Variants in ZAN observed in about 807,000 individuals in gnomAD.
ZAN encodes zonadhesin (gene/pseudogene).
In ZAN, 260 loss-of-function variants were observed where a neutral mutation model predicts 286.2. The ratio of observed to expected loss-of-function variants is 0.91; its 90% CI spans 0.82 to 1.01. The LOEUF (loss-of-function observed/expected upper bound fraction) is 1.01, where lower values mean the gene tolerates loss of function less well. Among genes scored for constraint, ZAN ranks in the 50% least tolerant of loss-of-function variants. The pLI, the probability that ZAN is intolerant of heterozygous loss-of-function variation, is 0.00. For missense variants in ZAN, 3,410 were observed against 3,639.2 expected (o/e 0.94, Z 1.62); for synonymous variants, 1,368 against 1,417.5 (o/e 0.97, Z 0.79).
intron 7 of ZAN, among the ~76,000 whole-genome samples, chr7:100,744,503 CAGG>C (rs1808041512): frequency 6.6e-6 from 1 of 151,050 alleles, no homozygotes; most frequent in African/African-American, 2.4e-5. Context: ...GAGGCTGAGG[CAGG>C]AGAATTGTTT....
At chr7:100,790,884 A>T in intron 39 of ZAN, 58 bp from the exon 40 acceptor site, 1 of 1,424,832 alleles carries the variant, frequency 7.0e-7, no homozygotes, top group South Asian at 1.5e-5. Context: ...CTGTCTAAAA[A>T]AAAAAAAAAA....
rs1407090763 is a variant in ZAN, at chr7:100,776,545, G to A, written c.6298G>A (p.Asp2100Asn). The A allele has an allele frequency of 6.4e-7, 1 of 1,559,104 alleles. No individual in the cohort carries two copies. The highest frequency in any genetic ancestry group is 1.2e-5 in the South Asian group (1 of 84,454). ...CAGTGAATTTGTGAACAGTTGGAAA[G>A]ATAAGGACATTGACCCAAGGTAGTG... Reference protein sequence around the residue: ...SDSEFVNSWKDKDIDPSCQSL... With the variant: ...SDSEFVNSWKNKDIDPSCQSL... Residue 2100 changes from aspartate to asparagine, a missense_variant, in exon 34 of 48, where the codon GAT (aspartate) becomes AAT (asparagine). By Grantham distance (23) the Asp-to-Asn change is conservative (BLOSUM62 1). Transcript: ENST00000613979.
intron 4 of ZAN, 24 bp downstream of exon 4, chr7:100,736,653 G>T: frequency 1.3e-6 from 2 of 1,519,242 alleles, no homozygotes; most frequent in South Asian, 1.1e-5. Flanking sequence ...GTTTCCAGGG[G>T]ACCATGAGCA....
Position 100,748,204 on chromosome 7 carries a change from C to G in ZAN, c.1091C>G (p.Ala364Gly), listed in dbSNP as rs199628515. 42 of 1,613,766 alleles carry G rather than the reference C, an allele frequency of 2.6e-5. No individual in the cohort carries two copies. Among genetic ancestry groups the G allele is most frequent in the Non-Finnish European group, 3.4e-5 (40 of 1,179,880 alleles). Residue 364 changes from alanine (A) to glycine (G), a missense_variant, in exon 10 of 48, where the codon GCT becomes GGT. Around this residue, in one of 7 missense-constraint regions of ZAN, gnomAD observed 872 missense variants for 938.9 expected, o/e 0.93. Coordinates refer to ENST00000613979, the MANE Select transcript of ZAN (RefSeq NM_003386.3). ...PAVAVDATSIAPCGEGFPQCD... is the reference protein window; with the variant it reads ...PAVAVDATSIGPCGEGFPQCD... ...GTGGCAGTTGATGCAACCAGCATTGCTCCTTGTGGGGGTGAGAGCAGGCCC... is the reference window on the plus strand; with the variant it reads ...GTGGCAGTTGATGCAACCAGCATTGGTCCTTGTGGGGGTGAGAGCAGGCCC...
At chr7:100,744,204 TTC>T (rs1437000358) in intron 7 of ZAN, among the ~76,000 whole-genome samples, 2 of 151,074 alleles carry the variant, frequency 1.3e-5, no homozygotes, top group East Asian at 3.9e-4. Flanking sequence ...GTATTTTCTT[TTC>T]TGTTTTTCCC....
At chr7:100,790,506 G>A (rs1371851822) in intron 39 of ZAN, among the ~76,000 whole-genome samples, 1 of 150,152 alleles carries the variant, frequency 6.7e-6, no homozygotes, top group African/African-American at 2.5e-5. Context: ...AGCTTGCAGT[G>A]AGCGGAGATC....
At position 100,760,584 on chromosome 7, in the gene ZAN, C is replaced by A. The variant is rs575616132; in HGVS notation, c.3842+48C>A. 76 of 1,605,172 alleles carry A rather than the reference C, an allele frequency of 4.7e-5. No individual in the cohort carries two copies. The East Asian group carries it at 1.4e-3, about 29-fold the overall frequency. On this transcript the variant is annotated intron_variant, in intron 19 of 47. Coordinates refer to ENST00000613979, the MANE Select transcript of ZAN (RefSeq NM_003386.3). The stretch of plus-strand genomic sequence containing the variant: ...CAGCTGCCACTTCTTCCTGCTGCCT[C>A]TTCCTGCTGCCTCTTCTTCCTGCTG...
chr7:100,755,797 C>A (rs1410952536), intron 15 of ZAN, among the ~76,000 whole-genome samples: 3 of 152,156 alleles, frequency 2.0e-5, no homozygotes, highest in Admixed American at 6.6e-5. Flanking sequence ...GTCTTGAAAT[C>A]CTGAGTTCAA....
At position 100,764,202 on chromosome 7, in the gene ZAN, T is replaced by G; in HGVS notation, c.4267+6T>G. ...GAGGGAACCCCACTTCTGCCGTGAG[T>G]TGTGCCAAACTCAGAGGAGAGGCCG... On this transcript the variant is annotated splice_donor_region_variant and intron_variant, in intron 22 of 47. Coordinates refer to ENST00000613979, the MANE Select transcript of ZAN (RefSeq NM_003386.3). 2 of 1,540,148 alleles carry G rather than the reference T, an allele frequency of 1.3e-6. No homozygotes were observed. Among genetic ancestry groups the G allele is most frequent in the Non-Finnish European group, 1.7e-6 (2 of 1,143,592 alleles).
Position 100,794,241 on chromosome 7 carries a change from C to A in ZAN, c.8108C>A (p.Thr2703Asn). Residue 2703 changes from threonine (T) to asparagine (N), a missense_variant, in exon 44 of 48, where the codon ACC (threonine) becomes AAC (asparagine). Thr to Asn is a moderately conservative substitution (Grantham distance 65). Transcript: ENST00000613979. ...GAGGTCTGCACCCTGGGGAACCACACCCAAGGCTGCTTTCCAGGTGAACCT... is the reference window on the plus strand; with the variant it reads ...GAGGTCTGCACCCTGGGGAACCACAACCAAGGCTGCTTTCCAGGTGAACCT... ...AGEVCTLGNH[T>N]QGCFPESPCL... The A allele has an allele frequency of 6.2e-7, 1 of 1,605,746 alleles. No homozygotes were observed. The highest frequency in any genetic ancestry group is 8.5e-7 in the Non-Finnish European group (1 of 1,175,068).
intron 42 of ZAN, 61 bp from the exon 43 acceptor site, chr7:100,793,759 A>G (rs1192119008): frequency 2.0e-6 from 3 of 1,514,124 alleles, no homozygotes; most frequent in East Asian, 2.3e-5. Flanking sequence ...TTATCGGGTG[A>G]CCTTGCCCCT....
chr7:100,797,298 G>A (rs1028022441), intron 45 of ZAN, 68 bp from the exon 46 acceptor site: 1 of 1,471,100 alleles, frequency 6.8e-7, no homozygotes, highest in African/African-American at 1.4e-5. Flanking sequence ...CCCCAAAAGG[G>A]AGTACCCCTC....
At chr7:100,758,121 T>A in intron 15 of ZAN, 81 bp from the exon 16 acceptor site, 10 of 869,214 alleles carry the variant, frequency 1.2e-5, no homozygotes, top group Non-Finnish European at 1.5e-5. Context: ...AATAAATAAA[T>A]AAATAAATGA....
rs191127696 is a variant in ZAN, at chr7:100,775,427, T to C, written c.5879T>C (p.Val1960Ala). The C allele has an allele frequency of 3.1e-6, 5 of 1,613,852 alleles. No individual in the cohort carries two copies. Among genetic ancestry groups the C allele is most frequent in the African/African-American group, 2.7e-5 (2 of 74,930 alleles). The change falls in exon 32 of 48, where the codon GTG (valine) becomes GCG (alanine). Residue 1960 changes from valine (V) to alanine (A), a missense_variant. Val to Ala is a moderately conservative substitution (Grantham distance 64, BLOSUM62 0). Transcript: ENST00000613979. Reference protein sequence around the residue: ...PDACTLVLVKVCHPAMALPFF... With the variant: ...PDACTLVLVKACHPAMALPFF... ...GCCTGCACTCTTGTCCTGGTGAAAG[T>C]GTGCCACCCCGCCATGGCCTTGCCC...
chr7:100,762,088 C>A, intron 19 of ZAN, 127 bp from the exon 20 acceptor site: 2 of 1,199,572 alleles, frequency 1.7e-6, no homozygotes, highest in Non-Finnish European at 2.4e-6. Flanking sequence ...CTTGTCCAGT[C>A]CGCACCTCTT....
At chr7:100,779,379 A>C in intron 34 of ZAN, 67 bp from the exon 35 acceptor site, 1 of 1,476,970 alleles carries the variant, frequency 6.8e-7, no homozygotes, top group Non-Finnish European at 9.0e-7. Context: ...CTCCCCCTAA[A>C]GAAAAAAAAA....
intron 23 of ZAN, 32 bp downstream of exon 23, chr7:100,765,586 A>G: frequency 1.3e-6 from 2 of 1,568,350 alleles, no homozygotes; most frequent in Middle Eastern, 2.0e-4. Context: ...TCAGCCCTGC[A>G]GCTAGAAAGG....
intron 29 of ZAN, among the ~76,000 whole-genome samples, 188 bp downstream of exon 29, chr7:100,772,208 A>T (rs1288051100): frequency 6.7e-6 from 1 of 148,894 alleles, no homozygotes; most frequent in South Asian, 2.2e-4. Flanking sequence ...AAGATGGGTG[A>T]ATCACCTGAG....
chr7:100,791,573 A>T (rs1811962526), intron 40 of ZAN, among the ~76,000 whole-genome samples: 1 of 151,648 alleles, frequency 6.6e-6, no homozygotes. Flanking sequence ...CGCTCAGCTA[A>T]TGTTCGTATT....
Sources: gnomAD v4.1 joint callset for allele counts (sites outside exome capture counted in the v4.1 genomes callset) on GRCh38, gnomAD v4.1.1 for gene constraint, gnomAD v4.1.1 regional missense constraint, MANE v1.5 for transcripts, NCBI Gene and HGNC (gene_info 2026-07-23, HGNC 2026-07-21) for gene names.